SRBD1: variants seen among roughly 807,000 people sequenced by gnomAD.
SRBD1 encodes the protein S1 RNA binding domain 1, also known as S1 RNA-binding domain-containing protein 1.
Under a neutral mutation model 115.3 loss-of-function variants are expected in SRBD1, and 88 were observed. The observed-to-expected ratio is 0.76, with a 90% CI of 0.64 to 0.91. The LOEUF (loss-of-function observed/expected upper bound fraction) is 0.91, where lower values mean the gene tolerates loss of function less well. SRBD1 is among the 40% of genes least tolerant of loss of function. The probability of loss-of-function intolerance (pLI) is 0.00; values close to 1 mark genes in which losing one functional copy is unlikely to be tolerated. For missense variants in SRBD1, 1,385 were observed against 1,177.4 expected (o/e 1.18, Z -2.58); for synonymous variants, 509 against 407.7 (o/e 1.25, Z -2.99).
intron 7 of SRBD1, among the ~76,000 whole-genome samples, chr2:45,577,040 T>G (rs1309253212): frequency 1.3e-5 from 2 of 152,204 alleles, no homozygotes; most frequent in Non-Finnish European, 2.9e-5. Flanking sequence ...ATGGCTAGAC[T>G]GTGGAAATGA....
intron 10 of SRBD1, among the ~76,000 whole-genome samples, 183 bp downstream of exon 10, chr2:45,562,470 G>A (rs1426276220): frequency 6.6e-6 from 1 of 152,110 alleles, no homozygotes; most frequent in Non-Finnish European, 1.5e-5. Context: ...CTGACCTCGC[G>A]ATCCACCCCC....
chr2:45,523,256 C>A (rs1458358827), intron 14 of SRBD1, among the ~76,000 whole-genome samples: 5 of 148,434 alleles, frequency 3.4e-5, no homozygotes, highest in African/African-American at 5.0e-5. Flanking sequence ...AATAACCCAA[C>A]CTTCCACCCA....
In SRBD1 at chr2:45,495,473, A is replaced by ACT. The variant is rs550617341; in HGVS notation, c.1875-7144_1875-7143dup. ...CCTTACCTTCCACAGTAAGCATCTCACTCTCTCTCTCTCTTCCCTCTCTCC... is the reference window on the plus strand; with the variant it reads ...CCTTACCTTCCACAGTAAGCATCTCACTCTCTCTCTCTCTCTTCCCTCTCTCC... On this transcript the variant is annotated intron_variant, in intron 14 of 20. Coordinates refer to ENST00000263736, the MANE Select transcript of SRBD1 (RefSeq NM_018079.5). Among the ~76,000 whole-genome samples, 87 of 150,910 alleles carry ACT rather than the reference A, an allele frequency of 5.8e-4. No individual in the cohort carries two copies. The South Asian group carries it at 7.2e-3, about 12-fold the overall frequency.
chr2:45,433,971 T>C (rs1348143833), intron 16 of SRBD1, among the ~76,000 whole-genome samples: 1 of 152,230 alleles, frequency 6.6e-6, no homozygotes, highest in African/African-American at 2.4e-5. Flanking sequence ...GAAGGATTTT[T>C]TCCAGATCCA....
intron 14 of SRBD1, among the ~76,000 whole-genome samples, chr2:45,509,598 A>AAAACACAC (rs1348194414): frequency 3.2e-5 from 4 of 125,442 alleles, no homozygotes; most frequent in Admixed American, 8.2e-5. Context: ...TCCGTCTCAA[A>AAAACACAC]ACACACACAC....
intron 9 of SRBD1, chr2:45,569,194 T>G (rs760645422): frequency 2.6e-5 from 4 of 152,214 alleles, no homozygotes; most frequent in Admixed American, 6.5e-5. Flanking sequence ...TTTTTTATTT[T>G]TTTAAGAGGC....
chr2:45,590,632 C>A (rs1673691136), intron 4 of SRBD1, among the ~76,000 whole-genome samples: 1 of 152,146 alleles, frequency 6.6e-6, no homozygotes, highest in Admixed American at 6.5e-5. Flanking sequence ...TTCCCTGCCA[C>A]CATGTGAAGA....
intron 9 of SRBD1, among the ~76,000 whole-genome samples, chr2:45,570,929 T>C (rs1346949449): frequency 2.6e-5 from 4 of 152,076 alleles, no homozygotes; most frequent in African/African-American, 9.7e-5. Context: ...GCAAATATAT[T>C]AGCCCCAGCC....
chr2:45,570,952 G>A, intron 9 of SRBD1, among the ~76,000 whole-genome samples: 1 of 152,064 alleles, frequency 6.6e-6, no homozygotes, highest in East Asian at 1.9e-4. Context: ...GAGGGGTAAG[G>A]GATAATACAG....
intron 19 of SRBD1, among the ~76,000 whole-genome samples, chr2:45,408,215 T>C (rs998772714): frequency 1.3e-5 from 2 of 152,124 alleles, no homozygotes; most frequent in Non-Finnish European, 2.9e-5. Context: ...GGGAAGACAC[T>C]TGTGTGAGAA....
At chr2:45,446,568 T>G (rs962382472) in intron 16 of SRBD1, among the ~76,000 whole-genome samples, 7 of 151,982 alleles carry the variant, frequency 4.6e-5, no homozygotes, top group Non-Finnish European at 1.0e-4. Flanking sequence ...AGTCCAATAT[T>G]GAATAAGAAA....
chr2:45,492,217 TAC>T (rs1670317648), intron 14 of SRBD1, among the ~76,000 whole-genome samples: 1 of 152,212 alleles, frequency 6.6e-6, no homozygotes, highest in Admixed American at 6.5e-5. Flanking sequence ...ATAAAAGATA[TAC>T]GTTTAAATAA....
At chr2:45,500,039 T>C (rs940846108) in intron 14 of SRBD1, among the ~76,000 whole-genome samples, 7 of 152,164 alleles carry the variant, frequency 4.6e-5, no homozygotes, top group Non-Finnish European at 7.4e-5. Context: ...AAGAATGTCA[T>C]TGGTATTTTG....
chr2:45,543,704 C>T (rs1446434202), intron 14 of SRBD1, among the ~76,000 whole-genome samples: 4 of 152,134 alleles, frequency 2.6e-5, no homozygotes, highest in East Asian at 3.8e-4. Flanking sequence ...AAAGCACTTG[C>T]TATAAATTCC....
intron 10 of SRBD1, among the ~76,000 whole-genome samples, chr2:45,560,649 C>T (rs751740957): frequency 6.6e-6 from 1 of 152,188 alleles, no homozygotes; most frequent in Non-Finnish European, 1.5e-5. Context: ...AATATATCTA[C>T]TTCTTAGGAG....
intron 4 of SRBD1, among the ~76,000 whole-genome samples, chr2:45,589,995 C>T (rs1673667859): frequency 6.6e-6 from 1 of 152,140 alleles, no homozygotes; most frequent in African/African-American, 2.4e-5. Flanking sequence ...AATTCTGCAG[C>T]AATGGAAAAG....
chr2:45,460,987 C>A (rs1035939553), intron 16 of SRBD1, among the ~76,000 whole-genome samples: 1 of 152,194 alleles, frequency 6.6e-6, no homozygotes, highest in Non-Finnish European at 1.5e-5. Flanking sequence ...CGAATAACAA[C>A]CCAACCAGGC....
At chr2:45,424,596 C>T (rs1015272140) in intron 16 of SRBD1, among the ~76,000 whole-genome samples, 3 of 152,062 alleles carry the variant, frequency 2.0e-5, no homozygotes, top group Non-Finnish European at 2.9e-5. Flanking sequence ...ATTTAACTTA[C>T]AATCAGTAGT....
chr2:45,472,408 A>C (rs1669676479), intron 16 of SRBD1, among the ~76,000 whole-genome samples: 1 of 152,246 alleles, frequency 6.6e-6, no homozygotes, highest in Non-Finnish European at 1.5e-5. Context: ...TACTAAAAAA[A>C]TCACTGACTT....
Sources: allele counts gnomAD v4.1 joint callset (sites outside exome capture counted in the v4.1 genomes callset), GRCh38; gene constraint gnomAD v4.1.1; transcripts MANE v1.5; gene names NCBI Gene and HGNC (gene_info 2026-07-23, HGNC 2026-07-21).